The following CHUK variants were observed in gnomAD, a reference collection of about 807,000 sequenced individuals.
CHUK encodes inhibitor of nuclear factor kappa-B kinase subunit alpha.
Under a neutral mutation model 104.8 loss-of-function variants are expected in CHUK, and 35 were observed. The ratio of observed to expected loss-of-function variants is 0.33; its 90% CI spans 0.26 to 0.44. The LOEUF is 0.44. Ranked by LOEUF, CHUK falls within the 20% of genes least tolerant of loss-of-function variation. CHUK has a pLI of 1.00. For synonymous variants in CHUK, 276 were observed against 291.9 expected (o/e 0.95, Z 0.56); for missense variants, 663 against 902.7 (o/e 0.73, Z 3.40).
At chr10:100,211,932 G>C (rs1589590882) in intron 9 of CHUK, among the ~76,000 whole-genome samples, 1 of 149,958 alleles carries the variant, frequency 6.7e-6, no homozygotes, top group Non-Finnish European at 1.5e-5. Flanking sequence ...GCAGGCTGAT[G>C]TGCAGTGGCA....
At chr10:100,212,387 TAAG>T (rs1173621852) in intron 9 of CHUK, among the ~76,000 whole-genome samples, 2 of 152,220 alleles carry the variant, frequency 1.3e-5, no homozygotes, top group Non-Finnish European at 2.9e-5. Flanking sequence ...GCCCTGATGC[TAAG>T]AGTTGTTGAG....
At chr10:100,223,442 C>T (rs779970838) in intron 2 of CHUK, among the ~76,000 whole-genome samples, 1 of 151,268 alleles carries the variant, frequency 6.6e-6, no homozygotes, top group Non-Finnish European at 1.5e-5. Context: ...AGTTCGAGAT[C>T]AGCATGGGTA....
At chr10:100,197,776 T>C (rs1845370717) in intron 16 of CHUK, among the ~76,000 whole-genome samples, 1 of 152,152 alleles carries the variant, frequency 6.6e-6, no homozygotes, top group South Asian at 2.1e-4. Context: ...CTACTTGAGA[T>C]ACTTGGAAGC....
At chr10:100,221,072 A>T (rs2134246432) in intron 4 of CHUK, among the ~76,000 whole-genome samples, 1 of 152,236 alleles carries the variant, frequency 6.6e-6, no homozygotes, top group African/African-American at 2.4e-5. Flanking sequence ...GGTTCCTCCA[A>T]AAGGTTAGGT....
chr10:100,217,379 A>C (rs987990252), intron 9 of CHUK, among the ~76,000 whole-genome samples: 2 of 152,210 alleles, frequency 1.3e-5, no homozygotes, highest in East Asian at 3.8e-4. Context: ...AGAGCCATGA[A>C]AGGCAGATAG....
At chr10:100,193,914 TA>T in intron 18 of CHUK, 69 bp downstream of exon 18, 1 of 1,425,462 alleles carries the variant, frequency 7.0e-7, no homozygotes, top group Non-Finnish European at 9.9e-7. Context: ...CTCATGCTGA[TA>T]AAAATCCCCT....
intron 4 of CHUK, among the ~76,000 whole-genome samples, chr10:100,221,003 A>G (rs2134246323): frequency 6.6e-6 from 1 of 152,274 alleles, no homozygotes; most frequent in Middle Eastern, 3.4e-3. Context: ...TTTAGCCCTC[A>G]TGACCTTGGA....
chr10:100,224,363 C>T (rs1361028388), intron 2 of CHUK, among the ~76,000 whole-genome samples: 1 of 152,164 alleles, frequency 6.6e-6, no homozygotes, highest in African/African-American at 2.4e-5. Context: ...TAAGCCACTC[C>T]CAAATTCCTA....
chr10:100,229,342 C>T, intron 1 of CHUK, 86 bp downstream of exon 1: 11 of 986,944 alleles, frequency 1.1e-5, no homozygotes, highest in Non-Finnish European at 1.4e-5. Flanking sequence ...AACCATCTAT[C>T]CCACACTGTC....
chr10:100,191,725 C>T (rs1416687885), intron 19 of CHUK, among the ~76,000 whole-genome samples: 2 of 152,202 alleles, frequency 1.3e-5, no homozygotes, highest in Non-Finnish European at 2.9e-5. Flanking sequence ...CATTCTGATT[C>T]AGCTCTTATC....
chr10:100,204,664 C>A lies in CHUK; in HGVS notation c.1356-7G>T, dbSNP rs1251487068. ...ATATCTAAGAAGACTTAACCTAAAC[C>A]ACAGCAAGAAAAAAAAGAAAAAGAA... On this transcript the variant is annotated splice_polypyrimidine_tract_variant and splice_region_variant and intron_variant, in intron 12 of 20. Coordinates refer to ENST00000370397, the MANE Select transcript of CHUK (RefSeq NM_001278.5). The A allele has an allele frequency of 6.3e-7, 1 of 1,593,280 alleles. No individual in the cohort carries two copies. Among genetic ancestry groups the A allele is most frequent in the Non-Finnish European group, 8.6e-7 (1 of 1,164,044 alleles).
At chr10:100,190,817 C>T (rs1324552109) in intron 20 of CHUK, 52 bp downstream of exon 20, 3 of 1,028,418 alleles carry the variant, frequency 2.9e-6, no homozygotes, top group Non-Finnish European at 4.7e-6. Context: ...AAAGTTAAAC[C>T]TTTTGCACCC....
Position 100,197,893 on chromosome 10 carries a change from C to A in CHUK, c.1729+2078G>T, listed in dbSNP as rs538819515. 2.6e-5 allele frequency among the ~76,000 whole-genome samples: 4 copies of A among 152,168 alleles called. No homozygotes were observed. In the East Asian group the frequency reaches 5.8e-4, roughly 22 times the overall value. ...AACCAAAAAACGATATTTTCTAAAA[C>A]AAAAAAATTTGAGTGAGAACACTTG... On this transcript the variant is annotated intron_variant, in intron 16 of 20. Transcript: ENST00000370397.
At position 100,220,488 on chromosome 10, in the gene CHUK, C is replaced by G. The variant is rs557905769; in HGVS notation, c.474+100G>C. Reference sequence around the variant, plus strand: ...GAGGTCTGAAATGGAAAAAGTAAGACTGTTATGGGCATACAGCAAAGACAC... The same window carrying G: ...GAGGTCTGAAATGGAAAAAGTAAGAGTGTTATGGGCATACAGCAAAGACAC... On this transcript the variant is annotated intron_variant, in intron 5 of 20. Transcript: ENST00000370397. The G allele has an allele frequency of 5.0e-5, 42 of 839,622 alleles. No individual in the cohort carries two copies. In the South Asian group the frequency reaches 5.7e-4, roughly 11 times the overall value. The allele number at this position is 839,622 out of a possible 1,614,324, so 52.0% of individuals were successfully genotyped here.
Position 100,209,422 on chromosome 10 carries a change from G to A in CHUK, c.1128+173C>T, listed in dbSNP as rs559884062. On this transcript the variant is annotated intron_variant, in intron 10 of 20. Transcript: ENST00000370397. ...TCTTGCAAAGTTCAAAACAACAAATGTTTCATTTCTATCCTGTTCACCTTG... is the reference window on the plus strand; with the variant it reads ...TCTTGCAAAGTTCAAAACAACAAATATTTCATTTCTATCCTGTTCACCTTG... Among the ~76,000 whole-genome samples, 3 of 152,204 alleles carry A rather than the reference G, an allele frequency of 2.0e-5. No homozygotes were observed. In the South Asian group the frequency reaches 6.2e-4, roughly 32 times the overall value.
intron 16 of CHUK, among the ~76,000 whole-genome samples, chr10:100,197,839 C>CA (rs1365078660): frequency 3.3e-5 from 5 of 152,208 alleles, no homozygotes; most frequent in African/African-American, 1.2e-4. Flanking sequence ...GCCTGGTCAA[C>CA]ATAGCAAGAG....
At chr10:100,202,493 A>T (rs1475025263) in intron 13 of CHUK, among the ~76,000 whole-genome samples, 1 of 152,216 alleles carries the variant, frequency 6.6e-6, no homozygotes, top group Admixed American at 6.5e-5. Flanking sequence ...AAGCCAAGGA[A>T]TGCCAATGAT....
rs1845136423 is a variant in CHUK, at chr10:100,189,114, T to C, written c.*484A>G. ...AACACAAGGAGGTAGAATTTATTCT[T>C]CAAGAAATAGAACTTGTGAGCAGCC... On this transcript the variant is annotated 3_prime_UTR_variant, in exon 21 of 21. Transcript: ENST00000370397. 6.3e-6 allele frequency: 1 copy of C among 158,082 alleles called. No individual in the cohort carries two copies. Among genetic ancestry groups the C allele is most frequent in the Non-Finnish European group, 1.4e-5 (1 of 71,474 alleles). 9.8% of individuals were successfully genotyped at this position (158,082 alleles called of 1,614,324 possible).
rs1310017667 is a variant in CHUK at position 100,190,966 on chromosome 10, T to C, written c.2111A>G (p.Glu704Gly). Residue 704 changes from glutamate to glycine, a missense_variant and splice_region_variant, in exon 20 of 21, where the codon GAG (glutamate) becomes GGG (glycine). Coordinates refer to ENST00000370397, the MANE Select transcript of CHUK (RefSeq NM_001278.5). ...TTCTTCTATCATTTGTGCTGAAGTC[T>C]CCCTGTGAGATGAAAGAACAAAGCC... is the stretch of plus-strand genomic sequence containing the variant. ...LSCVVTPQDG[E>G]TSAQMIEENL... 2 of 1,582,906 alleles carry C rather than the reference T, an allele frequency of 1.3e-6. No homozygotes were observed. The highest frequency in any genetic ancestry group is 3.3e-5 in the Admixed American group (2 of 59,988).
Sources: allele counts gnomAD v4.1 joint callset (sites outside exome capture counted in the v4.1 genomes callset), GRCh38; gene constraint gnomAD v4.1.1; transcripts MANE v1.5; gene names NCBI Gene and HGNC (gene_info 2026-07-23, HGNC 2026-07-21).